The following FBXL17 variants were observed in gnomAD, a reference collection of about 807,000 sequenced individuals.
FBXL17 encodes F-box/LRR-repeat protein 17.
FBXL17 carries 22 observed loss-of-function variants against 66.2 expected under a neutral mutation model. The observed-to-expected ratio is 0.33, with a 90% CI of 0.24 to 0.47. FBXL17 has a LOEUF of 0.47. FBXL17 is among the 20% of genes least tolerant of loss of function. FBXL17 has a pLI of 1.00. For synonymous variants in FBXL17, 474 were observed against 400.5 expected, an observed-to-expected ratio of 1.18 and a Z score of -2.19; for missense variants, 878 against 948.2, an observed-to-expected ratio of 0.93 and a Z score of 0.97.
chr5:107,928,215 C>G (rs1206658756), intron 7 of FBXL17, among the ~76,000 whole-genome samples: 1 of 151,958 alleles, frequency 6.6e-6, no homozygotes, highest in Non-Finnish European at 1.5e-5. Context: ...TCCTATGGGG[C>G]CTGCTCAAGC....
intron 4 of FBXL17, among the ~76,000 whole-genome samples, chr5:108,312,308 C>T (rs1439737009): frequency 6.6e-6 from 1 of 152,046 alleles, no homozygotes; most frequent in East Asian, 1.9e-4. Flanking sequence ...TCATGAACTA[C>T]CCTATACTTC....
intron 7 of FBXL17, among the ~76,000 whole-genome samples, chr5:107,896,008 C>T (rs1466008008): frequency 6.6e-6 from 1 of 152,146 alleles, no homozygotes; most frequent in East Asian, 1.9e-4. Context: ...TCAACATGGT[C>T]TGTCCATTGG....
chr5:108,282,984 A>G (rs1471663552), intron 4 of FBXL17, among the ~76,000 whole-genome samples: 1 of 151,384 alleles, frequency 6.6e-6, no homozygotes, highest in Non-Finnish European at 1.5e-5. Context: ...ACAAAACTCT[A>G]ATGAAAGAAA....
At chr5:107,914,146 C>T (rs904066300) in intron 7 of FBXL17, among the ~76,000 whole-genome samples, 1 of 151,958 alleles carries the variant, frequency 6.6e-6, no homozygotes, top group African/African-American at 2.4e-5. Context: ...TTCTCTAAAC[C>T]CTACAAGTAG....
intron 7 of FBXL17, among the ~76,000 whole-genome samples, chr5:107,910,235 G>C (rs1361645809): frequency 5.9e-5 from 9 of 152,048 alleles, no homozygotes; most frequent in Admixed American, 2.0e-4. Flanking sequence ...GGGCCTGACT[G>C]TTTTGAAAAC....
At chr5:108,181,806 T>C (rs770554279) in intron 6 of FBXL17, among the ~76,000 whole-genome samples, 57 of 152,166 alleles carry the variant, frequency 3.7e-4, no homozygotes, top group Admixed American at 9.2e-4. Flanking sequence ...AAGAATTTTA[T>C]ATATAAATGT....
chr5:108,231,417 G>T (rs1755334826), intron 4 of FBXL17, among the ~76,000 whole-genome samples: 1 of 152,036 alleles, frequency 6.6e-6, no homozygotes, highest in South Asian at 2.1e-4. Context: ...ATAGAATTGT[G>T]TCATAAGTAG....
chr5:108,017,165 A>G (rs771402490), intron 7 of FBXL17, among the ~76,000 whole-genome samples: 2 of 152,186 alleles, frequency 1.3e-5, no homozygotes, highest in Non-Finnish European at 2.9e-5. Context: ...GAACAAAGAA[A>G]AGCACAAGGG....
At chr5:108,340,025 T>C (rs915620377) in intron 4 of FBXL17, among the ~76,000 whole-genome samples, 3 of 151,988 alleles carry the variant, frequency 2.0e-5, no homozygotes, top group African/African-American at 4.8e-5. Flanking sequence ...CATACGACAC[T>C]GGCACACAGG....
chr5:107,956,516 T>C (rs1751671372), intron 7 of FBXL17, among the ~76,000 whole-genome samples: 1 of 152,162 alleles, frequency 6.6e-6, no homozygotes, highest in African/African-American at 2.4e-5. Flanking sequence ...TAATCTAACT[T>C]TGGGCAAGTT....
intron 4 of FBXL17, among the ~76,000 whole-genome samples, chr5:108,296,812 C>G (rs550206103): frequency 5.9e-5 from 9 of 151,556 alleles, no homozygotes; most frequent in African/African-American, 2.2e-4. Flanking sequence ...CATACTTCGA[C>G]AGTATCCATT....
chr5:108,379,669 C>A (rs1749703668), intron 1 of FBXL17, among the ~76,000 whole-genome samples: 1 of 152,132 alleles, frequency 6.6e-6, no homozygotes, highest in Non-Finnish European at 1.5e-5. Context: ...TCTCTAGTAT[C>A]ATCCACAATG....
At chr5:108,001,564 T>C (rs1220725230) in intron 7 of FBXL17, among the ~76,000 whole-genome samples, 4 of 152,026 alleles carry the variant, frequency 2.6e-5, no homozygotes. Context: ...GCAGCGGTGC[T>C]ATCTCGGCTC....
chr5:107,917,417 G>A (rs780718039), intron 7 of FBXL17, among the ~76,000 whole-genome samples: 2 of 152,084 alleles, frequency 1.3e-5, no homozygotes, highest in Admixed American at 6.6e-5. Flanking sequence ...ACCTGCACAA[G>A]TAGCATACCA....
At chr5:108,300,378 A>G (rs1343404688) in intron 4 of FBXL17, among the ~76,000 whole-genome samples, 2 of 151,946 alleles carry the variant, frequency 1.3e-5, no homozygotes, top group African/African-American at 4.8e-5. Context: ...TTAGAAACAA[A>G]TAACATTTAT....
At chr5:108,263,660 G>A (rs936742111) in intron 4 of FBXL17, among the ~76,000 whole-genome samples, 1 of 152,090 alleles carries the variant, frequency 6.6e-6, no homozygotes, top group Non-Finnish European at 1.5e-5. Context: ...ATTTGTTGCA[G>A]ACATCTTAAA....
intron 4 of FBXL17, among the ~76,000 whole-genome samples, chr5:108,334,596 G>A (rs1296141663): frequency 1.3e-5 from 2 of 152,190 alleles, no homozygotes; most frequent in Non-Finnish European, 2.9e-5. Context: ...AAAGGATTAT[G>A]ACCAACTGTG....
intron 7 of FBXL17, among the ~76,000 whole-genome samples, chr5:107,900,220 A>T (rs1255978340): frequency 6.6e-6 from 1 of 152,208 alleles, no homozygotes; most frequent in East Asian, 1.9e-4. Flanking sequence ...TAGTAAGGTT[A>T]ATTCCACTTG....
chr5:108,358,696 AGAATAAGTTAAGAAGT>A (rs1211580013), intron 3 of FBXL17, among the ~76,000 whole-genome samples: 2 of 152,146 alleles, frequency 1.3e-5, no homozygotes, highest in Non-Finnish European at 2.9e-5. Flanking sequence ...CTAGCCCCAC[AGAATAAGTTAAGAAGT>A]GTTGCCTCCT....
Sources: gnomAD v4.1 joint callset for allele counts (sites outside exome capture counted in the v4.1 genomes callset) on GRCh38, gnomAD v4.1.1 for gene constraint, MANE v1.5 for transcripts, NCBI Gene and HGNC (gene_info 2026-07-23, HGNC 2026-07-21) for gene names.